Variants in HLA-G observed in about 807,000 individuals in gnomAD.
HLA-G encodes major histocompatibility complex, class I, G.
HLA-G carries 34 observed loss-of-function variants against 39.3 expected under a neutral mutation model. That is an observed-to-expected ratio of 0.86 (90% CI 0.66 to 1.15). The LOEUF is 1.15. HLA-G is among the 50% of genes most tolerant of loss of function. The probability of loss-of-function intolerance (pLI) is 0.00; values close to 1 mark genes in which losing one functional copy is unlikely to be tolerated. For synonymous variants in HLA-G, 183 were observed against 185.8 expected (o/e 0.99, Z 0.12); for missense variants, 419 against 456.4 (o/e 0.92, Z 0.75).
chr6:29,828,216 G>A lies in HLA-G; in HGVS notation c.243G>A (p.Pro81=), dbSNP rs1130355. Residue 81 remains proline, a synonymous_variant, in exon 2 of 7, where the codon CCG becomes CCA. Transcript: ENST00000360323. ...CGCCGTGGGTGGAGCAGGAGGGGCC[G>A]GAGTATTGGGAAGAGGAGACACGGA... ...PRAPWVEQEG[P]EYWEEETRNT... 0.48 allele frequency: 777,435 copies of A among 1,612,856 alleles called. 191,972 individuals are homozygous for A. Among genetic ancestry groups the A allele is most frequent in the South Asian group, 0.67 (61,149 of 91,068 alleles).
chr6:29,828,378 C>G, intron 2 of HLA-G, 62 bp downstream of exon 2: 2 of 1,561,860 alleles, frequency 1.3e-6, no homozygotes, highest in Non-Finnish European at 1.7e-6. Context: ...ACGGACGGCC[C>G]GGGTACTCCC....
Position 29,830,430 on chromosome 6 carries a change from A to G in HLA-G, c.*28+20A>G, listed in dbSNP as rs2113864469. On this transcript the variant is annotated intron_variant, in intron 6 of 6. Coordinates refer to ENST00000360323, the MANE Select transcript of HLA-G (RefSeq NM_001384290.1). ...CTGCAAGTAAGTATGAAGGAGGCTG[A>G]TCCCTGAGATCCTTGGGATCTTGTG... 1 of 1,604,014 alleles carries G rather than the reference A, an allele frequency of 6.2e-7. No individual in the cohort carries two copies. Among genetic ancestry groups the G allele is most frequent in the East Asian group, 2.2e-5 (1 of 44,810 alleles).
At chr6:29,826,578 G>A (rs1364338701), upstream of HLA-G, among the ~76,000 whole-genome samples, 2 of 152,218 alleles carry the variant, frequency 1.3e-5, no homozygotes, top group African/African-American at 4.8e-5. Flanking sequence ...AAGGGGAGAA[G>A]AGGGCCTGAG....
At chr6:29,826,519 T>C (rs1760702457), upstream of HLA-G, among the ~76,000 whole-genome samples, 1 of 152,078 alleles carries the variant, frequency 6.6e-6, no homozygotes, top group African/African-American at 2.4e-5. Context: ...TAGCAGGTCA[T>C]GGAACAGTGC....
Position 29,829,883 on chromosome 6 carries a change from A to C in HLA-G, c.963A>C (p.Val321=). Residue 321 remains valine (V), a synonymous_variant, in exon 5 of 7, where the codon GTA becomes GTC. Transcript: ENST00000360323. ...CTGGCCTGGTTGTCCTTGCAGCTGT[A>C]GTCACTGGAGCTGCGGTCGCTGCTG... ...IVAGLVVLAA[V]VTGAAVAAVL... 1 of 1,613,912 alleles carries C rather than the reference A, an allele frequency of 6.2e-7. No individual in the cohort carries two copies. Among genetic ancestry groups the C allele is most frequent in the Middle Eastern group, 1.6e-4 (1 of 6,062 alleles).
chr6:29,826,844 C>A, upstream of HLA-G: 1 of 352,226 alleles, frequency 2.8e-6, no homozygotes, highest in Non-Finnish European at 5.8e-6. Flanking sequence ...ATATACACTC[C>A]ACTCACATGT....
rs1366718351 is a variant in HLA-G at position 29,829,699 on chromosome 6, G to A, written c.895+6G>A. The A allele has an allele frequency of 6.2e-7, 1 of 1,611,532 alleles. No homozygotes were observed. The highest frequency in any genetic ancestry group is 1.3e-5 in the African/African-American group (1 of 74,554). On this transcript the variant is annotated splice_donor_region_variant and intron_variant, in intron 4 of 6. Transcript: ENST00000360323. Reference sequence around the variant, plus strand: ...GCCCCTCATGCTGAGATGGAGTAAGGAGGGAGATGGAGGCATCATGTCTGT... The same window carrying A: ...GCCCCTCATGCTGAGATGGAGTAAGAAGGGAGATGGAGGCATCATGTCTGT...
In HLA-G at chr6:29,830,391, G is replaced by A. The variant is rs1280056866; in HGVS notation, c.*9G>A. ...TTCTTCCCACAGATTGAAAAGGAGGGAGCTACTCTCAGGCTGCAAGTAAGT... is the reference window on the plus strand; with the variant it reads ...TTCTTCCCACAGATTGAAAAGGAGGAAGCTACTCTCAGGCTGCAAGTAAGT... On this transcript the variant is annotated 3_prime_UTR_variant, in exon 6 of 7. Transcript: ENST00000360323. The A allele has an allele frequency of 1.9e-6, 3 of 1,613,742 alleles. No homozygotes were observed. The East Asian group carries it at 6.7e-5, about 36-fold the overall frequency.
rs878913602 is a variant in HLA-G, at chr6:29,829,462, G to A, written c.664G>A (p.Glu222Lys). The A allele has an allele frequency of 1.2e-6, 2 of 1,613,740 alleles. No individual in the cohort carries two copies. The highest frequency in any genetic ancestry group is 1.1e-5 in the South Asian group (1 of 91,060). Reference sequence around the variant, plus strand: ...GACCCACCACCCTGTCTTTGACTATGAGGCCACCCTGAGGTGCTGGGCCCT... The same window carrying A: ...GACCCACCACCCTGTCTTTGACTATAAGGCCACCCTGAGGTGCTGGGCCCT... ...HVTHHPVFDYEATLRCWALGF... is the reference protein window; with the variant it reads ...HVTHHPVFDYKATLRCWALGF... Residue 222 changes from glutamate to lysine, a missense_variant, in exon 4 of 7, where the codon GAG becomes AAG. Physicochemically the swap from Glu to Lys is moderately conservative, Grantham distance 56 (BLOSUM62 1). Coordinates refer to ENST00000360323, the MANE Select transcript of HLA-G (RefSeq NM_001384290.1).
rs751127247 is a variant in HLA-G at position 29,828,253 on chromosome 6, C to T, written c.280C>T (p.His94Tyr). The T allele has an allele frequency of 1.2e-6, 2 of 1,613,460 alleles. No individual in the cohort carries two copies. The highest frequency in any genetic ancestry group is 1.1e-5 in the South Asian group (1 of 91,044). ...AGAGGAGACACGGAACACCAAGGCC[C>T]ACGCACAGACTGACAGAATGAACCT... is the stretch of plus-strand genomic sequence containing the variant. ...WEEETRNTKA[H>Y]AQTDRMNLQT... The change falls in exon 2 of 7, where the codon CAC (histidine) becomes TAC (tyrosine). Residue 94 changes from histidine to tyrosine, a missense_variant. Physicochemically the swap from His to Tyr is moderately conservative, Grantham distance 83. Coordinates refer to ENST00000360323, the MANE Select transcript of HLA-G (RefSeq NM_001384290.1).
upstream of HLA-G, chr6:29,827,590 C>G: frequency 1.9e-6 from 1 of 525,548 alleles, no homozygotes; most frequent in African/African-American, 2.0e-5. Context: ...AGGGCGAAGT[C>G]CCAGGGCCTC....
rs965386122 is a variant in HLA-G at position 29,828,498 on chromosome 6, A to G, written c.344-45A>G. On this transcript the variant is annotated intron_variant, in intron 2 of 6. Coordinates refer to ENST00000360323, the MANE Select transcript of HLA-G (RefSeq NM_001384290.1). Reference sequence around the variant, plus strand: ...AAATCCCCGCGGGTGGGTCCGGGCGAGGGCGAGGCTCGGTGGGCGGGGCTG... The same window carrying G: ...AAATCCCCGCGGGTGGGTCCGGGCGGGGGCGAGGCTCGGTGGGCGGGGCTG... 10 of 1,595,024 alleles carry G rather than the reference A, an allele frequency of 6.3e-6. No homozygotes were observed. In the African/African-American group the frequency reaches 9.4e-5, roughly 15 times the overall value.
chr6:29,828,446 TG>T, intron 2 of HLA-G, 96 bp from the exon 3 acceptor site: 1 of 1,524,094 alleles, frequency 6.6e-7, no homozygotes. Flanking sequence ...ACCCTCTACC[TG>T]GGAGAACCCC....
intron 4 of HLA-G, 22 bp from the exon 5 acceptor site, chr6:29,829,794 T>C: frequency 1.2e-6 from 2 of 1,604,996 alleles, no homozygotes; most frequent in Non-Finnish European, 1.7e-6. Flanking sequence ...TCAGAGACCC[T>C]CACCTTCACC....
intron 4 of HLA-G, 45 bp downstream of exon 4, chr6:29,829,738 A>AG (rs768366779): frequency 1.7e-5 from 28 of 1,606,488 alleles, no homozygotes; most frequent in Non-Finnish European, 2.2e-5. Flanking sequence ...GGAAAGCAGG[A>AG]GCCTCTCTGA....
chr6:29,830,489 C>A (rs1212789079), intron 6 of HLA-G, 79 bp downstream of exon 6: 1 of 1,232,120 alleles, frequency 8.1e-7, no homozygotes, highest in African/African-American at 1.5e-5. Flanking sequence ...ACCCACCCCA[C>A]AATTCCTCCT....
At chr6:29,827,504 G>C, upstream of HLA-G, 1 of 376,468 alleles carries the variant, frequency 2.7e-6, no homozygotes. Context: ...GTTTCTCCCT[G>C]GTTTCTCAGA....
chr6:29,828,603 G>A lies in HLA-G; in HGVS notation c.404G>A (p.Arg135His). Residue 135 changes from arginine (R) to histidine (H), a missense_variant, in exon 3 of 7, where the codon CGC becomes CAC. By Grantham distance (29) the Arg-to-His change is conservative. Coordinates refer to ENST00000360323, the MANE Select transcript of HLA-G (RefSeq NM_001384290.1). ...CTGGGGTCCGACGGACGCCTCCTCC[G>A]CGGGTATGAACAGTATGCCTACGAT... The part of the protein sequence containing the change: ...CDLGSDGRLL[R>H]GYEQYAYDGK... 6.2e-7 allele frequency: 1 copy of A among 1,613,168 alleles called. No individual in the cohort carries two copies. The highest frequency in any genetic ancestry group is 1.7e-5 in the Admixed American group (1 of 60,028).
chr6:29,829,759 C>T, intron 4 of HLA-G, 57 bp from the exon 5 acceptor site: 1 of 1,603,302 alleles, frequency 6.2e-7, no homozygotes, highest in South Asian at 1.1e-5. Flanking sequence ...AGACCTTTAA[C>T]AGGGTCGGTG....
Sources: gnomAD v4.1 joint callset for allele counts (sites outside exome capture counted in the v4.1 genomes callset) on GRCh38, gnomAD v4.1.1 for gene constraint, MANE v1.5 for transcripts, NCBI Gene and HGNC (gene_info 2026-07-23, HGNC 2026-07-21) for gene names.